The following DEPDC1B variants were observed in gnomAD, a reference collection of about 807,000 sequenced individuals.
DEPDC1B encodes the protein DEP domain containing 1B, also known as DEP domain-containing protein 1B.
DEPDC1B carries 51 observed loss-of-function variants against 66.5 expected under a neutral mutation model. The ratio of observed to expected loss-of-function variants is 0.77; its 90% CI spans 0.61 to 0.97. DEPDC1B has a LOEUF of 0.97. Among genes scored for constraint, DEPDC1B ranks in the 50% least tolerant of loss-of-function variants. The probability of loss-of-function intolerance (pLI) is 0.00; values close to 1 mark genes in which losing one functional copy is unlikely to be tolerated. For missense variants in DEPDC1B, 552 were observed against 637.1 expected, an observed-to-expected ratio of 0.87 and a Z score of 1.44; for synonymous variants, 226 against 223.6, an observed-to-expected ratio of 1.01 and a Z score of -0.10.
At chr5:60,672,298 G>T (rs887665046) in intron 2 of DEPDC1B, among the ~76,000 whole-genome samples, 1 of 152,136 alleles carries the variant, frequency 6.6e-6, no homozygotes, top group Non-Finnish European at 1.5e-5. Context: ...TTTTCACACT[G>T]GTATAAAGAA....
chr5:60,677,322 A>ACT (rs1171843425), intron 2 of DEPDC1B, among the ~76,000 whole-genome samples: 60 of 99,630 alleles, frequency 6.0e-4, no homozygotes, highest in South Asian at 5.0e-3. Flanking sequence ...ACACACACAC[A>ACT]CACACTCTCT....
intron 2 of DEPDC1B, among the ~76,000 whole-genome samples, chr5:60,652,836 T>C (rs1021564378): frequency 9.4e-5 from 14 of 149,214 alleles, no homozygotes; most frequent in Non-Finnish European, 1.9e-4. Context: ...CTCCCACTTA[T>C]AAGTGAGGAC....
chr5:60,642,963 T>C lies in DEPDC1B; in HGVS notation c.710-104A>G, dbSNP rs1243401922. 2.3e-5 allele frequency: 18 copies of C among 791,832 alleles called. No homozygotes were observed. In the East Asian group the frequency reaches 4.8e-4, roughly 21 times the overall value. The allele number at this position is 791,832 out of a possible 1,614,324, so 49.1% of individuals were successfully genotyped here. On this transcript the variant is annotated intron_variant, in intron 5 of 10. Coordinates refer to ENST00000265036, the MANE Select transcript of DEPDC1B (RefSeq NM_018369.3). ...TTACTTGCCCAAGTAATATGAACCA[T>C]ATCTGCTAATCACAAATCACCAATT...
At chr5:60,661,382 C>T (rs1189711464) in intron 2 of DEPDC1B, among the ~76,000 whole-genome samples, 1 of 152,172 alleles carries the variant, frequency 6.6e-6, no homozygotes, top group Admixed American at 6.5e-5. Context: ...AGCATTAGGA[C>T]CATAGAGAAC....
intron 2 of DEPDC1B, among the ~76,000 whole-genome samples, chr5:60,650,214 ACTGATT>A (rs1753413662): frequency 6.6e-6 from 1 of 152,116 alleles, no homozygotes; most frequent in African/African-American, 2.4e-5. Flanking sequence ...AACATGATCA[ACTGATT>A]CTAAAATTTA....
intron 2 of DEPDC1B, among the ~76,000 whole-genome samples, chr5:60,682,323 C>T (rs1754313659): frequency 6.6e-6 from 1 of 152,126 alleles, no homozygotes; most frequent in Non-Finnish European, 1.5e-5. Flanking sequence ...AATGAGAACG[C>T]ATGGACACAG....
At chr5:60,616,520 T>C (rs960472886) in intron 7 of DEPDC1B, among the ~76,000 whole-genome samples, 5 of 152,050 alleles carry the variant, frequency 3.3e-5, no homozygotes, top group African/African-American at 1.2e-4. Flanking sequence ...GCTGATTCGA[T>C]CAAATGGAAG....
intron 1 of DEPDC1B, among the ~76,000 whole-genome samples, chr5:60,691,936 G>T (rs1330062968): frequency 6.6e-6 from 1 of 152,026 alleles, no homozygotes; most frequent in Non-Finnish European, 1.5e-5. Flanking sequence ...CAACCTAAAA[G>T]TCCATCAACA....
Position 60,700,135 on chromosome 5 carries a change from C to G in DEPDC1B, c.-42G>C, listed in dbSNP as rs188483873. On this transcript the variant is annotated 5_prime_UTR_variant, in exon 1 of 11. Coordinates refer to ENST00000265036, the MANE Select transcript of DEPDC1B (RefSeq NM_018369.3). ...CGGCCGCAGCCGCGCCAGCGCTGAT[C>G]CCCGCCAGCCGGAGGAGCAGCAGTT... 2.6e-4 allele frequency: 400 copies of G among 1,528,496 alleles called. 1 individual carries two copies. In the African/African-American group the frequency reaches 4.9e-3, roughly 19 times the overall value. 94.7% of individuals were successfully genotyped at this position (1,528,496 alleles called of 1,614,324 possible).
In DEPDC1B at chr5:60,700,139, G is replaced by A; in HGVS notation, c.-46C>T. The A allele has an allele frequency of 6.6e-7, 1 of 1,525,764 alleles. No homozygotes were observed. Among genetic ancestry groups the A allele is most frequent in the Non-Finnish European group, 8.8e-7 (1 of 1,140,236 alleles). The allele number at this position is 1,525,764 out of a possible 1,614,324, so 94.5% of individuals were successfully genotyped here. On this transcript the variant is annotated 5_prime_UTR_variant, in exon 1 of 11. Transcript: ENST00000265036. ...CGCAGCCGCGCCAGCGCTGATCCCCGCCAGCCGGAGGAGCAGCAGTTTGAA... is the reference window on the plus strand; with the variant it reads ...CGCAGCCGCGCCAGCGCTGATCCCCACCAGCCGGAGGAGCAGCAGTTTGAA...
rs147993338 is a variant in DEPDC1B, at chr5:60,597,814, A to G, written c.1529T>C (p.Leu510Pro). 4 of 1,613,428 alleles carry G rather than the reference A, an allele frequency of 2.5e-6. No homozygotes were observed. Among genetic ancestry groups the G allele is most frequent in the Non-Finnish European group, 2.5e-6 (3 of 1,179,690 alleles). The change falls in exon 11 of 11, where the codon CTA (leucine) becomes CCA (proline). Residue 510 changes from leucine to proline, a missense_variant. Physicochemically the swap from Leu to Pro is moderately conservative, Grantham distance 98 (BLOSUM62 -3). Transcript: ENST00000265036. ...PEKPKPKPQL[L>P]MWALKKPFQP... is the part of the protein sequence containing the mutation. ...GAAAGGCTTCTTTAGTGCCCACATT[A>G]GCAGCTGTGGTTTCGGTTTGGGTTT... is the stretch of plus-strand genomic sequence containing the variant.
chr5:60,685,966 T>C (rs1754403795), intron 2 of DEPDC1B, among the ~76,000 whole-genome samples: 1 of 152,212 alleles, frequency 6.6e-6, no homozygotes, highest in African/African-American at 2.4e-5. Context: ...AAGAGACTGC[T>C]GATGAAACTC....
At chr5:60,617,097 T>C (rs902299761) in intron 7 of DEPDC1B, among the ~76,000 whole-genome samples, 15 of 152,262 alleles carry the variant, frequency 9.9e-5, no homozygotes, top group African/African-American at 3.4e-4. Context: ...TGAGAGATTT[T>C]GTCACCACCA....
At chr5:60,611,543 G>A (rs185082002) in intron 7 of DEPDC1B, among the ~76,000 whole-genome samples, 9 of 152,318 alleles carry the variant, frequency 5.9e-5, no homozygotes, top group Admixed American at 5.2e-4. Context: ...AGTTATGAAT[G>A]CAAAGAAAAG....
intron 1 of DEPDC1B, among the ~76,000 whole-genome samples, chr5:60,697,819 A>G (rs1754690576): frequency 6.6e-6 from 1 of 152,190 alleles, no homozygotes; most frequent in South Asian, 2.1e-4. Context: ...TAATCAACCT[A>G]AATTTAGCCT....
intron 2 of DEPDC1B, among the ~76,000 whole-genome samples, chr5:60,683,428 T>A (rs918163268): frequency 2.0e-5 from 3 of 152,010 alleles, no homozygotes; most frequent in Non-Finnish European, 2.9e-5. Context: ...CAAGACCCTG[T>A]CTCAAAAAGA....
chr5:60,697,137 A>C (rs900706523), intron 1 of DEPDC1B, among the ~76,000 whole-genome samples: 1 of 152,270 alleles, frequency 6.6e-6, no homozygotes, highest in African/African-American at 2.4e-5. Flanking sequence ...AAGTTTACAA[A>C]GATGAAAGTT....
intron 2 of DEPDC1B, among the ~76,000 whole-genome samples, chr5:60,684,369 T>G (rs115352885): frequency 0.012 from 1,832 of 152,122 alleles, 36 homozygotes; most frequent in African/African-American, 0.041. Flanking sequence ...GCAATAGTAA[T>G]GAAACAAAAT....
chr5:60,670,444 A>G (rs1584088896), intron 2 of DEPDC1B, among the ~76,000 whole-genome samples: 1 of 152,348 alleles, frequency 6.6e-6, no homozygotes, highest in East Asian at 1.9e-4. Context: ...AAATGCTGAG[A>G]GATTAAGCAC....
Sources: allele counts gnomAD v4.1 joint callset (sites outside exome capture counted in the v4.1 genomes callset), GRCh38; gene constraint gnomAD v4.1.1; transcripts MANE v1.5; gene names NCBI Gene and HGNC (gene_info 2026-07-23, HGNC 2026-07-21).